The following GALNTL6 variants were observed in gnomAD, a reference collection of about 807,000 sequenced individuals.
GALNTL6 encodes the protein polypeptide N-acetylgalactosaminyltransferase like 6, also known as polypeptide N-acetylgalactosaminyltransferase-like 6.
A neutral mutation model predicts 73.7 loss-of-function variants in GALNTL6; 46 were observed. That is an observed-to-expected ratio of 0.62 (90% CI 0.49 to 0.80). GALNTL6 has a LOEUF of 0.80. GALNTL6 is among the 30% of genes least tolerant of loss of function. The pLI is 0.00. For synonymous variants in GALNTL6, 259 were observed against 263.7 expected (o/e 0.98, Z 0.17); for missense variants, 604 against 755.0 (o/e 0.80, Z 2.34).
chr4:172,972,583 T>C (rs990136647), intron 10 of GALNTL6, among the ~76,000 whole-genome samples: 1 of 152,200 alleles, frequency 6.6e-6, no homozygotes, highest in Non-Finnish European at 1.5e-5. Context: ...TCAATTGTGG[T>C]CTCTAAATAG....
At chr4:171,839,900 C>G (rs1041173099) in intron 2 of GALNTL6, among the ~76,000 whole-genome samples, 3 of 151,954 alleles carry the variant, frequency 2.0e-5, no homozygotes, top group Non-Finnish European at 4.4e-5. Context: ...TTTTTTGCAT[C>G]ATTTAAATGT....
chr4:171,899,842 A>G (rs1057461317), intron 2 of GALNTL6, among the ~76,000 whole-genome samples: 3 of 152,174 alleles, frequency 2.0e-5, no homozygotes, highest in Non-Finnish European at 4.4e-5. Flanking sequence ...CTAAAAGCAT[A>G]TCATTTTCCA....
intron 2 of GALNTL6, among the ~76,000 whole-genome samples, chr4:171,855,607 A>T (rs1482378795): frequency 6.6e-6 from 1 of 152,210 alleles, no homozygotes; most frequent in Non-Finnish European, 1.5e-5. Context: ...TATATATGTA[A>T]GTTTTTAACT....
intron 2 of GALNTL6, among the ~76,000 whole-genome samples, chr4:171,869,808 G>A (rs1237538043): frequency 6.6e-6 from 1 of 151,690 alleles, no homozygotes; most frequent in Non-Finnish European, 1.5e-5. Context: ...AAGTTCAGAC[G>A]GTTTTATCAG....
intron 2 of GALNTL6, among the ~76,000 whole-genome samples, chr4:172,112,706 T>C (rs1430910914): frequency 6.6e-6 from 1 of 152,012 alleles, no homozygotes; most frequent in African/African-American, 2.4e-5. Context: ...TTGTTGAAAT[T>C]CTAACACCCA....
intron 10 of GALNTL6, among the ~76,000 whole-genome samples, chr4:172,966,809 T>A (rs1416925815): frequency 6.6e-6 from 1 of 152,206 alleles, no homozygotes; most frequent in Admixed American, 6.5e-5. Context: ...TAAGTGTCCT[T>A]GAAATGTAGT....
At chr4:172,278,149 C>A (rs1005395835) in intron 3 of GALNTL6, among the ~76,000 whole-genome samples, 8 of 152,054 alleles carry the variant, frequency 5.3e-5, no homozygotes, top group African/African-American at 1.9e-4. Context: ...TATGTCCTTT[C>A]TTCCCATTTC....
In GALNTL6 at chr4:172,722,946, A is replaced by G. The variant is rs114549353; in HGVS notation, c.554-86415A>G. Among the ~76,000 whole-genome samples the G allele has an allele frequency of 1.9e-3, 285 of 152,298 alleles. 3 individuals carry two copies. Among genetic ancestry groups the G allele is most frequent in the African/African-American group, 6.2e-3 (257 of 41,568 alleles). ...TCCAGTTCTGTAGGTTAGAAATCCA[A>G]CATGGGTCTCACTGGGCTAAAATGA... On this transcript the variant is annotated intron_variant, in intron 5 of 12. Transcript: ENST00000506823.
intron 2 of GALNTL6, among the ~76,000 whole-genome samples, chr4:172,147,306 C>T (rs1233538913): frequency 2.0e-5 from 3 of 152,104 alleles, no homozygotes; most frequent in Non-Finnish European, 4.4e-5. Flanking sequence ...AACAATACCC[C>T]ATTATGCAAA....
intron 5 of GALNTL6, among the ~76,000 whole-genome samples, chr4:172,625,466 A>G (rs1246408292): frequency 6.6e-6 from 1 of 151,970 alleles, no homozygotes. Context: ...TGCTATTGTG[A>G]ATAGCATCAC....
At chr4:172,359,300 C>A (rs534363782) in intron 5 of GALNTL6, among the ~76,000 whole-genome samples, 1 of 152,176 alleles carries the variant, frequency 6.6e-6, no homozygotes, top group East Asian at 1.9e-4. Context: ...AAATATCACA[C>A]CTTCACACTT....
chr4:172,951,445 G>T (rs1354602239), intron 9 of GALNTL6, among the ~76,000 whole-genome samples: 1 of 152,202 alleles, frequency 6.6e-6, no homozygotes, highest in Non-Finnish European at 1.5e-5. Context: ...GAAAAGACTG[G>T]CTACTTGGTG....
intron 2 of GALNTL6, among the ~76,000 whole-genome samples, chr4:172,187,866 T>A (rs1419959570): frequency 6.6e-5 from 10 of 152,164 alleles, no homozygotes; most frequent in Non-Finnish European, 1.3e-4. Context: ...TTACTTACAT[T>A]AGTGGAATGT....
chr4:172,377,751 G>A (rs1743090744), intron 5 of GALNTL6, among the ~76,000 whole-genome samples: 1 of 152,112 alleles, frequency 6.6e-6, no homozygotes, highest in South Asian at 2.1e-4. Context: ...TGGGGTACCT[G>A]GTGCACCCTC....
chr4:171,912,709 C>T (rs1737510760), intron 2 of GALNTL6, among the ~76,000 whole-genome samples: 1 of 152,108 alleles, frequency 6.6e-6, no homozygotes, highest in African/African-American at 2.4e-5. Context: ...CCTTCCTCCA[C>T]CCTTCCCAGC....
At chr4:172,310,806 G>T (rs1740327692) in intron 3 of GALNTL6, among the ~76,000 whole-genome samples, 1 of 151,212 alleles carries the variant, frequency 6.6e-6, no homozygotes, top group Non-Finnish European at 1.5e-5. Flanking sequence ...AATTATAAAA[G>T]AAAAAAGTAA....
chr4:172,327,978 C>T (rs1468579052), intron 4 of GALNTL6, among the ~76,000 whole-genome samples: 1 of 152,038 alleles, frequency 6.6e-6, no homozygotes, highest in East Asian at 1.9e-4. Flanking sequence ...TTTATAGTGT[C>T]ACTGGTCTGT....
At chr4:172,064,937 A>G (rs769897581) in intron 2 of GALNTL6, among the ~76,000 whole-genome samples, 1 of 152,220 alleles carries the variant, frequency 6.6e-6, no homozygotes, top group African/African-American at 2.4e-5. Context: ...AGTAAGTTTT[A>G]CAAATTTTTT....
At chr4:172,678,902 G>C (rs1450205395) in intron 5 of GALNTL6, among the ~76,000 whole-genome samples, 14 of 152,126 alleles carry the variant, frequency 9.2e-5, no homozygotes, top group Admixed American at 9.2e-4. Flanking sequence ...TCAGTAAAAG[G>C]TCAGATAGTA....
Sources: gnomAD v4.1 joint callset for allele counts (sites outside exome capture counted in the v4.1 genomes callset) on GRCh38, gnomAD v4.1.1 for gene constraint, MANE v1.5 for transcripts, NCBI Gene and HGNC (gene_info 2026-07-23, HGNC 2026-07-21) for gene names.